The following GRIK1 variants were observed in gnomAD, a reference collection of about 807,000 sequenced individuals.
GRIK1 encodes glutamate ionotropic receptor kainate type subunit 1.
GRIK1 carries 69 observed loss-of-function variants against 105.7 expected under a neutral mutation model. That is an observed-to-expected ratio of 0.65 (90% CI 0.54 to 0.80). GRIK1 has a LOEUF of 0.80. GRIK1 is among the 30% of genes least tolerant of loss of function. GRIK1 has a pLI of 0.00. For synonymous variants in GRIK1, 438 were observed against 431.3 expected, an observed-to-expected ratio of 1.02 and a Z score of -0.19; for missense variants, 1,109 against 1,167.3, an observed-to-expected ratio of 0.95 and a Z score of 0.73.
intron 1 of GRIK1, among the ~76,000 whole-genome samples, chr21:29,872,854 A>G (rs1433187577): frequency 1.3e-5 from 2 of 152,132 alleles, no homozygotes; most frequent in Non-Finnish European, 2.9e-5. Flanking sequence ...TCCATGACAC[A>G]TGGTGATTAC....
intron 1 of GRIK1, among the ~76,000 whole-genome samples, chr21:29,808,826 T>C (rs1402081679): frequency 6.6e-6 from 1 of 152,146 alleles, no homozygotes; most frequent in Non-Finnish European, 1.5e-5. Context: ...TAGCCCCCCA[T>C]GTTTGTGAGG....
chr21:29,889,058 G>A (rs1434836801), intron 1 of GRIK1, among the ~76,000 whole-genome samples: 1 of 152,132 alleles, frequency 6.6e-6, no homozygotes, highest in Non-Finnish European at 1.5e-5. Context: ...CCTTTGCAGG[G>A]ACCTCTTAGA....
At chr21:29,767,550 A>G (rs1242543530) in intron 1 of GRIK1, among the ~76,000 whole-genome samples, 1 of 152,170 alleles carries the variant, frequency 6.6e-6, no homozygotes, top group Non-Finnish European at 1.5e-5. Flanking sequence ...AAAATATTCT[A>G]TAACATAAAT....
At chr21:29,745,400 C>A (rs2065026226) in intron 1 of GRIK1, among the ~76,000 whole-genome samples, 1 of 152,216 alleles carries the variant, frequency 6.6e-6, no homozygotes, top group Non-Finnish European at 1.5e-5. Flanking sequence ...CCAGATTCCT[C>A]ACTCAGAAAC....
At chr21:29,785,680 C>A (rs1231181963) in intron 1 of GRIK1, among the ~76,000 whole-genome samples, 1 of 151,902 alleles carries the variant, frequency 6.6e-6, no homozygotes. Context: ...TATGTGACAG[C>A]TTTTTGTTCC....
intron 7 of GRIK1, among the ~76,000 whole-genome samples, chr21:29,615,719 T>C (rs2061835063): frequency 6.6e-6 from 1 of 152,232 alleles, no homozygotes; most frequent in African/African-American, 2.4e-5. Flanking sequence ...TTTCAGAAGA[T>C]GCAAAAATGA....
intron 1 of GRIK1, among the ~76,000 whole-genome samples, chr21:29,745,852 C>T (rs2065035180): frequency 6.6e-6 from 1 of 152,102 alleles, no homozygotes; most frequent in African/African-American, 2.4e-5. Context: ...GCCTGTAATC[C>T]CAGCATTTTG....
intron 1 of GRIK1, among the ~76,000 whole-genome samples, chr21:29,863,937 G>T (rs571864521): frequency 1.3e-5 from 2 of 152,150 alleles, no homozygotes; most frequent in East Asian, 3.9e-4. Context: ...TTCCCTTGGA[G>T]TCCTCATGTT....
At chr21:29,568,787 G>A (rs2090670217) in intron 14 of GRIK1, among the ~76,000 whole-genome samples, 1 of 152,184 alleles carries the variant, frequency 6.6e-6, no homozygotes, top group Non-Finnish European at 1.5e-5. Context: ...TCTTGTCTCT[G>A]TATTGCTATT....
At position 29,848,275 on chromosome 21, in the gene GRIK1, A is replaced by G. The variant is rs73897880; in HGVS notation, c.118+91108T>C. On this transcript the variant is annotated intron_variant, in intron 1 of 17. Coordinates refer to ENST00000327783, the MANE Select transcript of GRIK1 (RefSeq NM_001330994.2). ...ATGCATGCTTCTGCTAAATTAGACT[A>G]TCTGAGCTGGAATGCCAACAGTATC... Among the ~76,000 whole-genome samples the G allele has an allele frequency of 3.4e-3, 522 of 152,218 alleles. 6 individuals carry two copies. Among genetic ancestry groups the G allele is most frequent in the African/African-American group, 0.012 (505 of 41,552 alleles).
Position 29,560,400 on chromosome 21 carries a change from C to CCTTT in GRIK1, c.2356+1220_2356+1223dup, listed in dbSNP as rs1167564962. 4.7e-3 allele frequency among the ~76,000 whole-genome samples: 315 copies of CCTTT among 67,010 alleles called. 29 individuals are homozygous for CCTTT. The highest frequency in any genetic ancestry group is 0.015 in the African/African-American group (165 of 10,764). The allele number at this position is 67,010 out of a possible 152,430, so 44.0% of individuals were successfully genotyped here. On this transcript the variant is annotated intron_variant, in intron 15 of 17. Coordinates refer to ENST00000327783, the MANE Select transcript of GRIK1 (RefSeq NM_001330994.2). The stretch of plus-strand genomic sequence containing the variant: ...TCCTTCCTTCCTTCCTTCCTTCCTT[C>CCTTT]CTTTCTTTCTTTCTTTCTTTCTTTC...
intron 14 of GRIK1, among the ~76,000 whole-genome samples, chr21:29,567,230 C>T (rs2090631421): frequency 6.6e-6 from 1 of 152,162 alleles, no homozygotes; most frequent in South Asian, 2.1e-4. Flanking sequence ...ATTTCCATCA[C>T]ACAATGTAAA....
At chr21:29,597,509 C>G in intron 8 of GRIK1, 1 of 245,400 alleles carries the variant, frequency 4.1e-6, no homozygotes, top group South Asian at 5.5e-5. Context: ...CAGACATTTT[C>G]TTAAAAAAAT....
intron 7 of GRIK1, among the ~76,000 whole-genome samples, chr21:29,625,448 A>C (rs1383743078): frequency 1.3e-5 from 2 of 152,070 alleles, no homozygotes; most frequent in African/African-American, 4.8e-5. Flanking sequence ...TTAACCTCTT[A>C]CCATACTTCA....
intron 3 of GRIK1, among the ~76,000 whole-genome samples, chr21:29,684,909 C>T (rs531551755): frequency 6.6e-6 from 1 of 152,262 alleles, no homozygotes; most frequent in Admixed American, 6.5e-5. Flanking sequence ...CATTTATCTA[C>T]CTATTGTCTA....
rs528869931 is a variant in GRIK1 at position 29,571,007 on chromosome 21, C to G, written c.2130+5957G>C. Among the ~76,000 whole-genome samples the G allele has an allele frequency of 6.6e-5, 10 of 152,294 alleles. No homozygotes were observed. The South Asian group carries it at 2.1e-3, about 32-fold the overall frequency. ...ATATATGAATGACCCTGAAGGAAAA[C>G]TGCCACTGCCTCCCCGTCTCAGTCA... On this transcript the variant is annotated intron_variant, in intron 14 of 17. Transcript: ENST00000327783.
intron 1 of GRIK1, among the ~76,000 whole-genome samples, chr21:29,694,573 A>G (rs796786724): frequency 3.3e-5 from 5 of 152,344 alleles, no homozygotes; most frequent in African/African-American, 1.2e-4. Context: ...TATGCTTAAG[A>G]TTTTAAATCC....
intron 1 of GRIK1, among the ~76,000 whole-genome samples, chr21:29,867,320 A>T (rs904424634): frequency 6.6e-6 from 1 of 152,188 alleles, no homozygotes; most frequent in African/African-American, 2.4e-5. Flanking sequence ...ACATAAACTA[A>T]GCTTAAAAAA....
intron 1 of GRIK1, among the ~76,000 whole-genome samples, chr21:29,717,285 C>T (rs1005080438): frequency 6.6e-6 from 1 of 152,240 alleles, no homozygotes; most frequent in Non-Finnish European, 1.5e-5. Flanking sequence ...CCCACTGTAG[C>T]ACTCCCTAGT....
Sources: gnomAD v4.1 joint callset for allele counts (sites outside exome capture counted in the v4.1 genomes callset) on GRCh38, gnomAD v4.1.1 for gene constraint, MANE v1.5 for transcripts, NCBI Gene and HGNC (gene_info 2026-07-23, HGNC 2026-07-21) for gene names.